Variants in PCDH15 observed in about 807,000 individuals in gnomAD.
The protein encoded by PCDH15 is protocadherin related 15.
A neutral mutation model predicts 178.5 loss-of-function variants in PCDH15; 129 were observed. The ratio of observed to expected loss-of-function variants is 0.72; its 90% confidence interval spans 0.63 to 0.84. The LOEUF (loss-of-function observed/expected upper bound fraction) is 0.84. Ranked by LOEUF, PCDH15 falls within the 40% of genes least tolerant of loss-of-function variation. The probability of loss-of-function intolerance (pLI) is 0.00; values close to 1 mark genes in which losing one functional copy is unlikely to be tolerated. For missense variants in PCDH15, 2,230 were observed against 2,099.9 expected, an observed-to-expected ratio of 1.06 and a Z score of -1.21; for synonymous variants, 800 against 732.0, an observed-to-expected ratio of 1.09 and a Z score of -1.50.
At chr10:54,284,213 T>G (rs1018806806) in intron 8 of PCDH15, among the ~76,000 whole-genome samples, 6 of 152,184 alleles carry the variant, frequency 3.9e-5, no homozygotes, top group African/African-American at 1.4e-4. Context: ...AATTCAAAGC[T>G]TTAAGGAGTG....
chr10:55,190,687 C>T (rs182031748), intron 1 of PCDH15, among the ~76,000 whole-genome samples: 204 of 151,662 alleles, frequency 1.3e-3, no homozygotes, highest in African/African-American at 4.7e-3. Flanking sequence ...TAAAATATTA[C>T]ACAATTTAAT....
At chr10:54,737,419 T>A (rs1944261020) in intron 1 of PCDH15, among the ~76,000 whole-genome samples, 1 of 152,206 alleles carries the variant, frequency 6.6e-6, no homozygotes. Flanking sequence ...TAAGAATGTA[T>A]AATGGAAAGG....
At chr10:55,533,139 G>A (rs1406929775) in intron 2 of PCDH15, among the ~76,000 whole-genome samples, 1 of 151,990 alleles carries the variant, frequency 6.6e-6, no homozygotes, top group Admixed American at 6.6e-5. Flanking sequence ...ATGGGCAAAA[G>A]CTGAAAGCAC....
chr10:54,405,046 TG>T (rs1952460942), intron 3 of PCDH15, among the ~76,000 whole-genome samples: 1 of 152,098 alleles, frequency 6.6e-6, no homozygotes, highest in Non-Finnish European at 1.5e-5. Context: ...GCTTATACAC[TG>T]CTGGTGGGAG....
intron 1 of PCDH15, among the ~76,000 whole-genome samples, chr10:55,279,365 C>CT: frequency 6.6e-6 from 1 of 152,142 alleles, no homozygotes; most frequent in South Asian, 2.1e-4. Flanking sequence ...AATTTTCAGC[C>CT]TTTTTTGGAA....
chr10:55,035,307 C>T (rs541027742), intron 2 of PCDH15, among the ~76,000 whole-genome samples: 33 of 152,220 alleles, frequency 2.2e-4, no homozygotes, highest in African/African-American at 7.9e-4. Flanking sequence ...ATAATTCATA[C>T]AACCCATTAC....
At chr10:55,448,478 A>G (rs969021445) in intron 2 of PCDH15, among the ~76,000 whole-genome samples, 1 of 152,006 alleles carries the variant, frequency 6.6e-6, no homozygotes, top group Non-Finnish European at 1.5e-5. Context: ...TTATAAAAAT[A>G]TGGGGCCCGT....
chr10:54,289,994 C>T (rs964087230), intron 8 of PCDH15, among the ~76,000 whole-genome samples: 2 of 152,098 alleles, frequency 1.3e-5, no homozygotes, highest in South Asian at 4.1e-4. Flanking sequence ...TCCAGGAGAA[C>T]CTCCCCAAAC....
At chr10:53,958,575 G>A (rs890318457) in intron 23 of PCDH15, among the ~76,000 whole-genome samples, 1 of 151,960 alleles carries the variant, frequency 6.6e-6, no homozygotes, top group Non-Finnish European at 1.5e-5. Context: ...TCCAGATAAG[G>A]ACATGGCAAA....
intron 2 of PCDH15, among the ~76,000 whole-genome samples, chr10:54,956,134 A>C (rs1226233037): frequency 6.6e-6 from 1 of 151,374 alleles, no homozygotes; most frequent in Non-Finnish European, 1.5e-5. Flanking sequence ...GCTCAGTGCC[A>C]GTATTGATTG....
intron 2 of PCDH15, among the ~76,000 whole-genome samples, chr10:54,633,572 A>G (rs2093760872): frequency 1.3e-5 from 2 of 152,196 alleles, no homozygotes; most frequent in South Asian, 4.1e-4. Context: ...GAAAGCCCAG[A>G]GTACCTAACA....
intron 2 of PCDH15, among the ~76,000 whole-genome samples, chr10:55,438,908 A>T (rs141933618): frequency 0.016 from 2,411 of 150,492 alleles, 46 homozygotes; most frequent in African/African-American, 0.045. Context: ...ATATTTATTT[A>T]TTTTTTTTGA....
chr10:54,217,467 C>T (rs2052222794), intron 9 of PCDH15, among the ~76,000 whole-genome samples: 3 of 152,156 alleles, frequency 2.0e-5, no homozygotes, highest in African/African-American at 7.2e-5. Context: ...AATAAATAAG[C>T]ACATTATTAT....
At chr10:55,309,861 T>C (rs1843535486) in intron 1 of PCDH15, among the ~76,000 whole-genome samples, 2 of 152,174 alleles carry the variant, frequency 1.3e-5, no homozygotes, top group African/African-American at 2.4e-5. Flanking sequence ...TGAATCCCAA[T>C]CCATCACCTT....
intron 2 of PCDH15, among the ~76,000 whole-genome samples, chr10:55,622,179 A>ATATCTATAAATATATATATTATATATAT (rs1399467761): frequency 7.6e-6 from 1 of 131,128 alleles, no homozygotes; most frequent in Non-Finnish European, 1.6e-5. Context: ...TATATTATAT[A>ATATCTATAAATATATATATTATATATAT]TATATACATT....
At position 54,132,837 on chromosome 10, in the gene PCDH15, T is replaced by TTA. The variant is rs1039951506; in HGVS notation, c.1917+36_1917+37dup. ...AATGCCAAGCTTGTCACTTTAGAAT[T>TTA]TATACACACACACACACACACACAC... is the stretch of plus-strand genomic sequence containing the variant. On this transcript the variant is annotated intron_variant, in intron 15 of 37. Coordinates refer to ENST00000644397, the MANE Select transcript of PCDH15 (RefSeq NM_001384140.1). 5.4e-6 allele frequency: 8 copies of TTA among 1,475,572 alleles called. No individual in the cohort carries two copies. The African/African-American group carries it at 7.4e-5, about 14-fold the overall frequency. 91.4% of individuals were successfully genotyped at this position (1,475,572 alleles called of 1,614,324 possible).
chr10:55,552,708 A>T (rs1006572350), intron 2 of PCDH15, among the ~76,000 whole-genome samples: 1 of 151,398 alleles, frequency 6.6e-6, no homozygotes, highest in African/African-American at 2.4e-5. Flanking sequence ...CCAATTCAAA[A>T]TATACTTTGA....
intron 2 of PCDH15, among the ~76,000 whole-genome samples, chr10:54,954,352 T>C (rs935685752): frequency 6.7e-6 from 1 of 148,940 alleles, no homozygotes; most frequent in Non-Finnish European, 1.5e-5. Context: ...TCAAAAAAAA[T>C]TCTAATATCT....
chr10:53,862,838 A>G (rs528882210), intron 27 of PCDH15, among the ~76,000 whole-genome samples: 3 of 152,318 alleles, frequency 2.0e-5, no homozygotes, highest in South Asian at 4.1e-4. Context: ...TTCTCATTTC[A>G]TCAACAAAAT....
Sources: gnomAD v4.1 joint callset for allele counts (sites outside exome capture counted in the v4.1 genomes callset) on GRCh38, gnomAD v4.1.1 for gene constraint, MANE v1.5 for transcripts, NCBI Gene and HGNC (gene_info 2026-07-23, HGNC 2026-07-21) for gene names.